SOS1: variants seen among roughly 807,000 people sequenced by gnomAD.
The protein encoded by SOS1 is SOS Ras/Rac guanine nucleotide exchange factor 1.
SOS1 carries 25 observed loss-of-function variants against 157.6 expected under a neutral mutation model. The observed-to-expected ratio is 0.16, with a 90% CI of 0.12 to 0.22. The LOEUF (loss-of-function observed/expected upper bound fraction) is 0.22, where lower values mean the gene tolerates loss of function less well. SOS1 is among the 10% of genes least tolerant of loss of function. SOS1 has a pLI of 1.00. For missense variants in SOS1, 1,237 were observed against 1,599.1 expected (o/e 0.77, Z 3.86); for synonymous variants, 528 against 534.0 (o/e 0.99, Z 0.16).
At chr2:39,014,974 G>A in intron 10 of SOS1, 128 bp from the exon 11 acceptor site, 1 of 650,110 alleles carries the variant, frequency 1.5e-6, no homozygotes, top group Non-Finnish European at 2.8e-6. Context: ...CCAAGTAGAA[G>A]GCTTTGGACT....
chr2:39,019,177 C>T (rs779162290), intron 10 of SOS1, among the ~76,000 whole-genome samples: 1 of 151,558 alleles, frequency 6.6e-6, no homozygotes, highest in Non-Finnish European at 1.5e-5. Context: ...AGGGAAACAC[C>T]TTTTCCCTCA....
intron 20 of SOS1, chr2:38,992,298 T>G (rs1290706350): frequency 1.3e-5 from 2 of 152,162 alleles, no homozygotes; most frequent in Admixed American, 6.5e-5. Context: ...ATTACACTGG[T>G]TTATTTGATT....
intron 19 of SOS1, among the ~76,000 whole-genome samples, chr2:38,996,601 T>C (rs1668902083): frequency 6.6e-6 from 1 of 152,176 alleles, no homozygotes; most frequent in Non-Finnish European, 1.5e-5. Flanking sequence ...ATGTCATAAG[T>C]AGATATTTTA....
At chr2:39,023,473 A>AT (rs1669862986) in intron 9 of SOS1, among the ~76,000 whole-genome samples, 1 of 152,118 alleles carries the variant, frequency 6.6e-6, no homozygotes, top group Admixed American at 6.6e-5. Flanking sequence ...CTACAAAATG[A>AT]TTATTTCTAT....
At chr2:39,029,591 T>C (rs1031454823) in intron 8 of SOS1, among the ~76,000 whole-genome samples, 44 of 152,178 alleles carry the variant, frequency 2.9e-4, no homozygotes, top group Admixed American at 2.4e-3. Context: ...ACCACTGCAC[T>C]CCAGCCTGGG....
At chr2:39,092,362 G>A (rs1292297211) in intron 1 of SOS1, among the ~76,000 whole-genome samples, 1 of 152,070 alleles carries the variant, frequency 6.6e-6, no homozygotes, top group Non-Finnish European at 1.5e-5. Context: ...CTTCTAGGGT[G>A]CTCCTCCACC....
At chr2:38,988,193 C>A (rs1668609879) in intron 21 of SOS1, among the ~76,000 whole-genome samples, 1 of 152,086 alleles carries the variant, frequency 6.6e-6, no homozygotes. Flanking sequence ...TACTCTAAAT[C>A]CAAAAATTTT....
chr2:39,003,169 C>T (rs997141074), intron 17 of SOS1, among the ~76,000 whole-genome samples: 6 of 151,116 alleles, frequency 4.0e-5, no homozygotes, highest in African/African-American at 1.2e-4. Flanking sequence ...TAATTAGAGA[C>T]CTTATCTTTT....
intron 1 of SOS1, among the ~76,000 whole-genome samples, chr2:39,082,172 TAGCCATCCCC>T: frequency 6.6e-6 from 1 of 152,320 alleles, no homozygotes; most frequent in South Asian, 2.1e-4. Flanking sequence ...TTGTACCCAG[TAGCCATCCCC>T]ACATCCCCGC....
chr2:39,080,171 G>C (rs1430775620), intron 1 of SOS1, among the ~76,000 whole-genome samples: 1 of 151,850 alleles, frequency 6.6e-6, no homozygotes, highest in Non-Finnish European at 1.5e-5. Flanking sequence ...TCTGCAACTA[G>C]ATGGTCCCAT....
intron 1 of SOS1, chr2:39,098,573 A>G (rs146871084): frequency 2.0e-5 from 3 of 152,692 alleles, no homozygotes; most frequent in African/African-American, 7.2e-5. Context: ...CATATATTTG[A>G]TAAGGAACTT....
intron 1 of SOS1, among the ~76,000 whole-genome samples, chr2:39,074,078 G>A (rs1039203375): frequency 1.2e-4 from 18 of 152,004 alleles, no homozygotes; most frequent in African/African-American, 3.9e-4. Context: ...GGCTGGGCGC[G>A]GTGGCCTACG....
chr2:39,056,880 AG>A lies in SOS1; in HGVS notation c.346-15del. 6.3e-7 allele frequency: 1 copy of A among 1,585,796 alleles called. No individual in the cohort carries two copies. The highest frequency in any genetic ancestry group is 2.2e-5 in the East Asian group (1 of 44,614). ...ACCTAGGACCTCCTGCAAAATTAAA[AG>A]AAAAGCATGTTTAAACATCATATAC... On this transcript the variant is annotated splice_polypyrimidine_tract_variant and intron_variant, in intron 3 of 22. Coordinates refer to ENST00000402219, the MANE Select transcript of SOS1 (RefSeq NM_005633.4).
At chr2:39,017,150 C>T (rs1302835366) in intron 10 of SOS1, among the ~76,000 whole-genome samples, 1 of 152,036 alleles carries the variant, frequency 6.6e-6, no homozygotes, top group African/African-American at 2.4e-5. Flanking sequence ...TATCTAAGGT[C>T]ATACTGTAGA....
chr2:39,094,658 A>C (rs1458562673), intron 1 of SOS1, among the ~76,000 whole-genome samples: 4 of 149,126 alleles, frequency 2.7e-5, no homozygotes, highest in East Asian at 1.9e-4. Context: ...GTCTCAAATA[A>C]ATAAATAAAT....
intron 1 of SOS1, among the ~76,000 whole-genome samples, chr2:39,094,334 G>A (rs1039422708): frequency 2.0e-5 from 3 of 151,996 alleles, no homozygotes; most frequent in Non-Finnish European, 2.9e-5. Context: ...TACTTTTGGG[G>A]AGCCTCGATA....
rs1448359857 is a variant in SOS1, at chr2:39,058,749, GCAT to G, written c.266_268del (p.Asp89del). 1 of 1,606,262 alleles carries G rather than the reference GCAT, an allele frequency of 6.2e-7. No homozygotes were observed. The highest frequency in any genetic ancestry group is 8.5e-7 in the Non-Finnish European group (1 of 1,173,194). On this transcript the variant is annotated inframe_deletion, in exon 3 of 23. Transcript: ENST00000402219. ...CTTCCTCTTTTCAATAGCTGATTGG[GCAT>G]CAGCTATTGCCCATTTATCAATTGG...
chr2:39,008,293 C>A (rs533987000), intron 15 of SOS1, among the ~76,000 whole-genome samples: 1 of 152,172 alleles, frequency 6.6e-6, no homozygotes, highest in Non-Finnish European at 1.5e-5. Context: ...AGACCTCAGG[C>A]TGCAGTAGCA....
At chr2:38,986,454 C>G (rs1668563879) in intron 22 of SOS1, 139 bp from the exon 23 acceptor site, 2 of 858,568 alleles carry the variant, frequency 2.3e-6, no homozygotes, top group East Asian at 5.5e-5. Flanking sequence ...CATATGTTTT[C>G]TTTTTAATTA....
Sources: allele counts gnomAD v4.1 joint callset (sites outside exome capture counted in the v4.1 genomes callset), GRCh38; gene constraint gnomAD v4.1.1; transcripts MANE v1.5; gene names NCBI Gene and HGNC (gene_info 2026-07-23, HGNC 2026-07-21).